Variants in ADAMTSL3 observed in about 807,000 individuals in gnomAD.
ADAMTSL3 encodes ADAMTS like 3, also known as ADAMTS-like protein 3.
A neutral mutation model predicts 201.7 loss-of-function variants in ADAMTSL3; 128 were observed. The ratio of observed to expected loss-of-function variants is 0.63; its 90% CI spans 0.55 to 0.73. The LOEUF (loss-of-function observed/expected upper bound fraction) is 0.73, where lower values mean the gene tolerates loss of function less well. Ranked by LOEUF, ADAMTSL3 falls within the 30% of genes least tolerant of loss-of-function variation. ADAMTSL3 has a pLI of 0.00. For missense variants in ADAMTSL3, 1,990 were observed against 2,119.6 expected, an observed-to-expected ratio of 0.94 and a Z score of 1.20; for synonymous variants, 738 against 748.4, an observed-to-expected ratio of 0.99 and a Z score of 0.23.
At chr15:83,970,729 A>C in intron 20 of ADAMTSL3, 92 bp downstream of exon 20, 1 of 1,503,404 alleles carries the variant, frequency 6.7e-7, no homozygotes, top group Admixed American at 1.8e-5. Flanking sequence ...ACAGATTTCT[A>C]ATCTGTGGGT....
At chr15:83,898,108 T>C in intron 14 of ADAMTSL3, 103 bp downstream of exon 14, 2 of 1,342,942 alleles carry the variant, frequency 1.5e-6, no homozygotes, top group South Asian at 1.5e-5. Context: ...CTTATAAAAA[T>C]TGTTTTATTG....
chr15:83,942,796 A>G lies in ADAMTSL3; in HGVS notation c.2310+8A>G. On this transcript the variant is annotated splice_region_variant and intron_variant, in intron 18 of 29. Coordinates refer to ENST00000286744, the MANE Select transcript of ADAMTSL3 (RefSeq NM_207517.3). Reference sequence around the variant, plus strand: ...ATTGAAGAATGGCAGCAGGTAGGGCAGACTGGCCACTCCAGGGCCCTCTGT... The same window carrying G: ...ATTGAAGAATGGCAGCAGGTAGGGCGGACTGGCCACTCCAGGGCCCTCTGT... The G allele has an allele frequency of 1.9e-6, 3 of 1,611,916 alleles. No homozygotes were observed. The highest frequency in any genetic ancestry group is 2.5e-6 in the Non-Finnish European group (3 of 1,179,030).
At chr15:83,957,907 T>C (rs1389640290) in intron 19 of ADAMTSL3, among the ~76,000 whole-genome samples, 2 of 152,214 alleles carry the variant, frequency 1.3e-5, no homozygotes, top group Non-Finnish European at 2.9e-5. Context: ...CCTTTAAAAA[T>C]TATTTGAAGG....
chr15:83,666,846 A>G (rs934000782), intron 2 of ADAMTSL3, among the ~76,000 whole-genome samples: 2 of 145,190 alleles, frequency 1.4e-5, no homozygotes, highest in African/African-American at 5.0e-5. Context: ...CTGTCTCAAG[A>G]AAAAAAAAAA....
At position 83,801,658 on chromosome 15, in the gene ADAMTSL3, ATATATATATATATAT is replaced by A. The variant is rs2063521200; in HGVS notation, c.318-2991_318-2977del. On this transcript the variant is annotated intron_variant, in intron 4 of 29. Transcript: ENST00000286744. Reference sequence around the variant, plus strand: ...TATAAATATATAAATATAAATATATATATATATATATATATATATATATATATATATATATATGTA... The same window carrying A: ...TATAAATATATAAATATAAATATATAATATATATATATATATATATATGTA... Among the ~76,000 whole-genome samples the A allele has an allele frequency of 2.8e-4, 19 of 68,828 alleles. No homozygotes were observed. The South Asian group carries it at 3.2e-3, about 12-fold the overall frequency. The allele number at this position is 68,828 out of a possible 152,430, so 45.2% of individuals were successfully genotyped here. A position where few individuals can be genotyped will look rare whatever the true frequency, so the allele number is the denominator to read the frequency against.
chr15:83,679,484 A>T (rs989341086), intron 2 of ADAMTSL3, among the ~76,000 whole-genome samples: 8 of 152,006 alleles, frequency 5.3e-5, no homozygotes, highest in African/African-American at 1.9e-4. Context: ...ATTTCAGCAG[A>T]CAGTGATCAT....
chr15:83,665,236 A>G (rs2061233418), intron 2 of ADAMTSL3, among the ~76,000 whole-genome samples: 1 of 152,142 alleles, frequency 6.6e-6, no homozygotes, highest in African/African-American at 2.4e-5. Flanking sequence ...GGAGGAATCA[A>G]AATTCCTTCA....
At chr15:83,990,993 C>T in intron 22 of ADAMTSL3, 93 bp from the exon 23 acceptor site, 1 of 1,565,070 alleles carries the variant, frequency 6.4e-7, no homozygotes, top group Non-Finnish European at 8.7e-7. Context: ...CTCCTGCCCT[C>T]AAAGGGCTCA....
chr15:83,840,526 G>A (rs2064352827), intron 7 of ADAMTSL3, among the ~76,000 whole-genome samples: 1 of 152,184 alleles, frequency 6.6e-6, no homozygotes, highest in African/African-American at 2.4e-5. Context: ...AGAACACCGT[G>A]AGGTGTTCCA....
At chr15:83,659,377 C>G (rs1204301469) in intron 2 of ADAMTSL3, among the ~76,000 whole-genome samples, 1 of 152,156 alleles carries the variant, frequency 6.6e-6, no homozygotes, top group Admixed American at 6.5e-5. Context: ...ATCCTGTCCC[C>G]TGGGTCTTGT....
At chr15:83,898,889 G>C (rs549045778) in intron 14 of ADAMTSL3, among the ~76,000 whole-genome samples, 3 of 152,038 alleles carry the variant, frequency 2.0e-5, no homozygotes, top group Non-Finnish European at 4.4e-5. Flanking sequence ...TTTTGAGTAC[G>C]TCTATCTTGC....
At chr15:84,017,960 A>G (rs966962906) in intron 25 of ADAMTSL3, among the ~76,000 whole-genome samples, 1 of 152,248 alleles carries the variant, frequency 6.6e-6, no homozygotes, top group African/African-American at 2.4e-5. Flanking sequence ...TCTCTAGAGA[A>G]GTCAACTGAG....
At chr15:84,036,287 T>C (rs1408047167) in intron 28 of ADAMTSL3, among the ~76,000 whole-genome samples, 1 of 152,228 alleles carries the variant, frequency 6.6e-6, no homozygotes, top group African/African-American at 2.4e-5. Context: ...TGGTGTGACC[T>C]AAATGTAAAA....
At chr15:83,746,285 G>A (rs929924568) in intron 3 of ADAMTSL3, among the ~76,000 whole-genome samples, 4 of 150,638 alleles carry the variant, frequency 2.7e-5, no homozygotes, top group African/African-American at 9.7e-5. Context: ...GAGTGGCCAT[G>A]TGAACCAGTT....
At chr15:84,035,432 C>T (rs2068487116) in intron 28 of ADAMTSL3, among the ~76,000 whole-genome samples, 1 of 152,226 alleles carries the variant, frequency 6.6e-6, no homozygotes, top group Admixed American at 6.5e-5. Context: ...AGTCTCTTCT[C>T]TGTTGTTCAA....
chr15:83,914,447 C>G (rs2065992190), intron 16 of ADAMTSL3, among the ~76,000 whole-genome samples: 1 of 152,224 alleles, frequency 6.6e-6, no homozygotes, highest in Non-Finnish European at 1.5e-5. Flanking sequence ...AATTCAACTT[C>G]TATACCTGCG....
At chr15:83,829,017 G>A (rs1311188535) in intron 6 of ADAMTSL3, among the ~76,000 whole-genome samples, 1 of 152,152 alleles carries the variant, frequency 6.6e-6, no homozygotes, top group Non-Finnish European at 1.5e-5. Context: ...CCAGGCTTTG[G>A]TATCAGGATG....
intron 3 of ADAMTSL3, 90 bp from the exon 4 acceptor site, chr15:83,773,433 T>A: frequency 2.8e-6 from 4 of 1,416,004 alleles, no homozygotes; most frequent in Non-Finnish European, 3.9e-6. Flanking sequence ...GACTCTGGAA[T>A]AACTGGGGAA....
At chr15:84,026,553 A>G (rs1051892660) in intron 27 of ADAMTSL3, among the ~76,000 whole-genome samples, 2 of 152,200 alleles carry the variant, frequency 1.3e-5, no homozygotes, top group Non-Finnish European at 2.9e-5. Flanking sequence ...AAACTTACCA[A>G]AAAGCTACAG....
Sources: gnomAD v4.1 joint callset for allele counts (sites outside exome capture counted in the v4.1 genomes callset) on GRCh38, gnomAD v4.1.1 for gene constraint, MANE v1.5 for transcripts, NCBI Gene and HGNC (gene_info 2026-07-23, HGNC 2026-07-21) for gene names.